The following GPRIN2 variants were observed in gnomAD, a reference collection of about 807,000 sequenced individuals.
The protein encoded by GPRIN2 is G protein-regulated inducer of neurite outgrowth 2.
In GPRIN2, 1 loss-of-function variant was observed where a neutral mutation model predicts 0.3. That is an observed-to-expected ratio of 3.90 (90% CI 1.39 to 18.51). The LOEUF is 18.51. GPRIN2 is among the 30% of genes most tolerant of loss of function. The pLI is 0.11. For missense variants in GPRIN2, 880 were observed against 604.2 expected, an observed-to-expected ratio of 1.46 and a Z score of -4.79; for synonymous variants, 361 against 258.6, an observed-to-expected ratio of 1.40 and a Z score of -3.80.
rs1842119676 is a variant in GPRIN2, at chr10:46,545,948, C to G, written c.*3412G>C. On this transcript the variant is annotated 3_prime_UTR_variant, in exon 3 of 3. Coordinates refer to ENST00000374314, the MANE Select transcript of GPRIN2 (RefSeq NM_001385282.1). Reference sequence around the variant, plus strand: ...CTATATATCCAGATTCAAACTCCAGCTTTAGCCCACTAAGCTACGGTGGCC... The same window carrying G: ...CTATATATCCAGATTCAAACTCCAGGTTTAGCCCACTAAGCTACGGTGGCC... 6.6e-6 allele frequency among the ~76,000 whole-genome samples: 1 copy of G among 152,304 alleles called. No homozygotes were observed. The highest frequency in any genetic ancestry group is 1.5e-5 in the Non-Finnish European group (1 of 68,054).
Position 46,550,595 on chromosome 10 carries a change from A to G in GPRIN2, c.142T>C (p.Trp48Arg). ...ELRKTASSTV[W>R]QAQLGEASTR... ...CTGGCCTCGCCCAGCTGGGCCTGCCACACGGTGCTGCTGGCAGTCTTGCGG... is the reference window on the plus strand; with the variant it reads ...CTGGCCTCGCCCAGCTGGGCCTGCCGCACGGTGCTGCTGGCAGTCTTGCGG... Residue 48 changes from tryptophan to arginine, a missense_variant, in exon 3 of 3, where the codon TGG becomes CGG. By Grantham distance (101) the Trp-to-Arg change is moderately radical (BLOSUM62 -3). Transcript: ENST00000374314. The G allele has an allele frequency of 6.3e-7, 1 of 1,586,218 alleles. No individual in the cohort carries two copies.
rs1832816284 is a variant in GPRIN2 at position 46,548,180 on chromosome 10, C to G, written c.*1180G>C. ...AAGACAAAGACCCAGGACAAGAACA[C>G]AAGCCCACTCCCATTCTTCACAGGC... On this transcript the variant is annotated 3_prime_UTR_variant, in exon 3 of 3. Coordinates refer to ENST00000374314, the MANE Select transcript of GPRIN2 (RefSeq NM_001385282.1). Among the ~76,000 whole-genome samples the G allele has an allele frequency of 2.6e-4, 40 of 152,420 alleles. No individual in the cohort carries two copies. In the East Asian group the frequency reaches 7.5e-3, roughly 29 times the overall value.
chr10:46,551,357 C>T (rs1842585156), intron 2 of GPRIN2: 1 of 979,698 alleles, frequency 1.0e-6, no homozygotes, highest in Non-Finnish European at 1.2e-6. Flanking sequence ...CAACCACCCC[C>T]ATCCTCCTTG....
At position 46,547,097 on chromosome 10, in the gene GPRIN2, G is replaced by A. The variant is rs1842227084; in HGVS notation, c.*2263C>T. On this transcript the variant is annotated 3_prime_UTR_variant, in exon 3 of 3. Transcript: ENST00000374314. ...GCAGGTGGCCCTTTCTGCACCTGCT[G>A]AACATGCCATTCACCTTGACCCAGG... Among the ~76,000 whole-genome samples, 1 of 152,308 alleles carries A rather than the reference G, an allele frequency of 6.6e-6. No individual in the cohort carries two copies. Among genetic ancestry groups the A allele is most frequent in the African/African-American group, 2.4e-5 (1 of 41,488 alleles).
rs1400679026 is a variant in GPRIN2 at position 46,544,579 on chromosome 10, C to T, written c.*4781G>A. Among the ~76,000 whole-genome samples, 2 of 152,312 alleles carry T rather than the reference C, an allele frequency of 1.3e-5. No homozygotes were observed. Among genetic ancestry groups the T allele is most frequent in the Non-Finnish European group, 1.5e-5 (1 of 68,058 alleles). ...GCTCAAGCAGTCAGCCCACCTCAGC[C>T]TCCCAAAGTGCTGGGATTACAGGCA... On this transcript the variant is annotated 3_prime_UTR_variant, in exon 3 of 3. Transcript: ENST00000374314.
chr10:46,552,437 C>A (rs1842716832), intron 2 of GPRIN2, among the ~76,000 whole-genome samples: 1 of 152,312 alleles, frequency 6.6e-6, no homozygotes, highest in Non-Finnish European at 1.5e-5. Context: ...CAGGCAACAA[C>A]CTCCCCGACC....
At position 46,543,557 on chromosome 10, in the gene GPRIN2, C is replaced by T. The variant is rs1841907386; in HGVS notation, c.*5803G>A. ...TCATAGGATGCAGAGAAAGCACACT[C>T]TGTCTTTTCTCAGGAAAGCTGCAGG... On this transcript the variant is annotated 3_prime_UTR_variant, in exon 3 of 3. Transcript: ENST00000374314. Among the ~76,000 whole-genome samples, 1 of 152,304 alleles carries T rather than the reference C, an allele frequency of 6.6e-6. No individual in the cohort carries two copies. Among genetic ancestry groups the T allele is most frequent in the Admixed American group, 6.5e-5 (1 of 15,294 alleles).
At position 46,542,194 on chromosome 10, in the gene GPRIN2, G is replaced by A. The variant is rs1328250492; in HGVS notation, c.*7166C>T. 6.6e-6 allele frequency among the ~76,000 whole-genome samples: 1 copy of A among 152,308 alleles called. No individual in the cohort carries two copies. The highest frequency in any genetic ancestry group is 6.5e-5 in the Admixed American group (1 of 15,294). ...AGGCTGCAGGGCAGGGGCCAGGTGG[G>A]CAGCAACAGGGAACAAATCTGAGTG... On this transcript the variant is annotated 3_prime_UTR_variant, in exon 3 of 3. Coordinates refer to ENST00000374314, the MANE Select transcript of GPRIN2 (RefSeq NM_001385282.1).
rs1841927304 is a variant in GPRIN2, at chr10:46,543,809, T to G, written c.*5551A>C. Among the ~76,000 whole-genome samples the G allele has an allele frequency of 6.6e-6, 1 of 152,310 alleles. No individual in the cohort carries two copies. The highest frequency in any genetic ancestry group is 2.4e-5 in the African/African-American group (1 of 41,486). On this transcript the variant is annotated 3_prime_UTR_variant, in exon 3 of 3. Transcript: ENST00000374314. Reference sequence around the variant, plus strand: ...CCAGACCTTCCTCCTTGCTGGGCTATCTCGGGCTTGGAGTGGGAGAAGCCA... The same window carrying G: ...CCAGACCTTCCTCCTTGCTGGGCTAGCTCGGGCTTGGAGTGGGAGAAGCCA...
In GPRIN2 at chr10:46,548,680, C is replaced by T. The variant is rs1842388594; in HGVS notation, c.*680G>A. 6.6e-6 allele frequency among the ~76,000 whole-genome samples: 1 copy of T among 152,312 alleles called. No individual in the cohort carries two copies. The highest frequency in any genetic ancestry group is 1.9e-4 in the East Asian group (1 of 5,208). ...CAGAACCCAGCACAGAGTATGAGCT[C>T]AGTAAATTCTCCTCATACATGACTG... is the stretch of plus-strand genomic sequence containing the variant. On this transcript the variant is annotated 3_prime_UTR_variant, in exon 3 of 3. Coordinates refer to ENST00000374314, the MANE Select transcript of GPRIN2 (RefSeq NM_001385282.1).
In GPRIN2 at chr10:46,542,884, C is replaced by T. The variant is rs1173159003; in HGVS notation, c.*6476G>A. ...AAAACATGGATGAGGAGATGGCCTG[C>T]CTAAAGCCAGCAGATGGGTGCCACC... On this transcript the variant is annotated 3_prime_UTR_variant, in exon 3 of 3. Transcript: ENST00000374314. 2.6e-5 allele frequency among the ~76,000 whole-genome samples: 4 copies of T among 152,308 alleles called. No homozygotes were observed. The highest frequency in any genetic ancestry group is 5.9e-5 in the Non-Finnish European group (4 of 68,056).
At position 46,546,431 on chromosome 10, in the gene GPRIN2, C is replaced by T. The variant is rs1290381126; in HGVS notation, c.*2929G>A. Among the ~76,000 whole-genome samples the T allele has an allele frequency of 1.3e-5, 2 of 152,310 alleles. No homozygotes were observed. The highest frequency in any genetic ancestry group is 4.8e-5 in the African/African-American group (2 of 41,488). On this transcript the variant is annotated 3_prime_UTR_variant, in exon 3 of 3. Transcript: ENST00000374314. ...ACAGAATTTACCAGGACAAAATAAA[C>T]AAGACCAGTCAGGACCGATGCCCCA...
rs1322810739 is a variant in GPRIN2, at chr10:46,544,972, G to A, written c.*4388C>T. Among the ~76,000 whole-genome samples the A allele has an allele frequency of 6.6e-6, 1 of 152,302 alleles. No homozygotes were observed. The highest frequency in any genetic ancestry group is 1.5e-5 in the Non-Finnish European group (1 of 68,052). On this transcript the variant is annotated 3_prime_UTR_variant, in exon 3 of 3. Coordinates refer to ENST00000374314, the MANE Select transcript of GPRIN2 (RefSeq NM_001385282.1). ...CTGCCTGACAAGTTGGATGAAAACT[G>A]ATAAAGGACTTGTCATAGCTTCAGA...
rs1841978424 is a variant in GPRIN2, at chr10:46,544,371, T to C, written c.*4989A>G. 6.6e-6 allele frequency among the ~76,000 whole-genome samples: 1 copy of C among 152,310 alleles called. No homozygotes were observed. Among genetic ancestry groups the C allele is most frequent in the Non-Finnish European group, 1.5e-5 (1 of 68,056 alleles). ...CAGGGTCTGGCTCCGTCATCCAGGC[T>C]GGAGCACAGTGGCACTATCTCGGCT... On this transcript the variant is annotated 3_prime_UTR_variant, in exon 3 of 3. Coordinates refer to ENST00000374314, the MANE Select transcript of GPRIN2 (RefSeq NM_001385282.1).
rs1833004795 is a variant in GPRIN2, at chr10:46,544,147, G to A, written c.*5213C>T. Among the ~76,000 whole-genome samples, 19 of 152,382 alleles carry A rather than the reference G, an allele frequency of 1.2e-4. No individual in the cohort carries two copies. The South Asian group carries it at 2.1e-3, about 17-fold the overall frequency. On this transcript the variant is annotated 3_prime_UTR_variant, in exon 3 of 3. Transcript: ENST00000374314. Reference sequence around the variant, plus strand: ...AGGGTTCAATAGGGAAGGTACCAGCGGCCGGCTGCAGAGGGGCTCCATTCC... The same window carrying A: ...AGGGTTCAATAGGGAAGGTACCAGCAGCCGGCTGCAGAGGGGCTCCATTCC...
At position 46,548,027 on chromosome 10, in the gene GPRIN2, G is replaced by A. The variant is rs1842325359; in HGVS notation, c.*1333C>T. Among the ~76,000 whole-genome samples, 2 of 152,302 alleles carry A rather than the reference G, an allele frequency of 1.3e-5. No individual in the cohort carries two copies. The highest frequency in any genetic ancestry group is 2.4e-5 in the African/African-American group (1 of 41,484). On this transcript the variant is annotated 3_prime_UTR_variant, in exon 3 of 3. Transcript: ENST00000374314. ...GGAAAAGTAAGCCACCACTGTGGGG[G>A]TCCTGGGCTCCTAGGTGCAGAAGAG...
chr10:46,554,995 C>G (rs1214919031), intron 1 of GPRIN2, among the ~76,000 whole-genome samples: 2 of 152,306 alleles, frequency 1.3e-5, no homozygotes, highest in Admixed American at 1.3e-4. Flanking sequence ...CTCCCAGGCT[C>G]GAGTACAATG....
At chr10:46,552,504 G>T (rs1378993218) in intron 2 of GPRIN2, among the ~76,000 whole-genome samples, 1 of 152,430 alleles carries the variant, frequency 6.6e-6, no homozygotes, top group East Asian at 1.9e-4. Context: ...CTCGGTTTCT[G>T]TGTAATTACA....
In GPRIN2 at chr10:46,546,772, CAG is replaced by C. The variant is rs1842197723; in HGVS notation, c.*2586_*2587del. On this transcript the variant is annotated 3_prime_UTR_variant, in exon 3 of 3. Coordinates refer to ENST00000374314, the MANE Select transcript of GPRIN2 (RefSeq NM_001385282.1). The stretch of plus-strand genomic sequence containing the variant: ...TCACTTCAGGTAGACCTGTCAGCAG[CAG>C]CTGTGCAACTGGGCTAGGGAGACAA... 1.3e-5 allele frequency among the ~76,000 whole-genome samples: 2 copies of C among 152,426 alleles called. No individual in the cohort carries two copies. The highest frequency in any genetic ancestry group is 4.1e-4 in the South Asian group (2 of 4,830).
Sources: gnomAD v4.1 joint callset for allele counts (sites outside exome capture counted in the v4.1 genomes callset) on GRCh38, gnomAD v4.1.1 for gene constraint, MANE v1.5 for transcripts, NCBI Gene and HGNC (gene_info 2026-07-23, HGNC 2026-07-21) for gene names.